CAMKK2: variants seen among roughly 807,000 people sequenced by gnomAD.
CAMKK2 encodes the protein calcium/calmodulin dependent protein kinase kinase 2, also known as calcium/calmodulin-dependent protein kinase kinase 2.
A neutral mutation model predicts 67.2 loss-of-function variants in CAMKK2; 30 were observed. That is an observed-to-expected ratio of 0.45 (90% CI 0.33 to 0.61). The LOEUF (loss-of-function observed/expected upper bound fraction) is 0.61, where lower values mean the gene tolerates loss of function less well. CAMKK2 is among the 20% of genes least tolerant of loss of function. The pLI, the probability that CAMKK2 is intolerant of heterozygous loss-of-function variation, is 0.02. For synonymous variants in CAMKK2, 322 were observed against 326.2 expected, an observed-to-expected ratio of 0.99 and a Z score of 0.14; for missense variants, 643 against 802.0, an observed-to-expected ratio of 0.80 and a Z score of 2.39.
intron 14 of CAMKK2, among the ~76,000 whole-genome samples, chr12:121,246,329 T>C (rs928617339): frequency 9.9e-5 from 15 of 151,798 alleles, no homozygotes; most frequent in African/African-American, 3.6e-4. Flanking sequence ...GTGGATCACC[T>C]GAGGTCAGGA....
At chr12:121,255,708 C>T (rs1892137270) in intron 8 of CAMKK2, 70 bp from the exon 9 acceptor site, 3 of 1,603,274 alleles carry the variant, frequency 1.9e-6, no homozygotes, top group South Asian at 1.1e-5. Context: ...ATGAGCAGAG[C>T]CCAGTGGCAC....
intron 16 of CAMKK2, among the ~76,000 whole-genome samples, chr12:121,243,285 C>T (rs1248676852): frequency 6.6e-6 from 1 of 151,780 alleles, no homozygotes; most frequent in Non-Finnish European, 1.5e-5. Flanking sequence ...CCTGCCTCGG[C>T]CTCCCAAAGT....
intron 13 of CAMKK2, among the ~76,000 whole-genome samples, chr12:121,249,337 T>C (rs547475001): frequency 6.6e-6 from 1 of 152,348 alleles, no homozygotes; most frequent in South Asian, 2.1e-4. Flanking sequence ...TGGAGATGTG[T>C]AGGGGAATAC....
chr12:121,243,791 G>T, intron 16 of CAMKK2: 3 of 973,766 alleles, frequency 3.1e-6, no homozygotes, highest in Non-Finnish European at 3.9e-6. Flanking sequence ...ACTTCCCGTG[G>T]GTGAATTACA....
chr12:121,242,984 C>T (rs12819431), intron 16 of CAMKK2, among the ~76,000 whole-genome samples: 45,031 of 151,750 alleles, frequency 0.3, 7,104 homozygotes, highest in East Asian at 0.35. Context: ...CCTCGTCATT[C>T]GCCTGCCTTG....
intron 11 of CAMKK2, among the ~76,000 whole-genome samples, chr12:121,251,950 A>G (rs1169554332): frequency 6.6e-6 from 1 of 152,180 alleles, no homozygotes; most frequent in African/African-American, 2.4e-5. Context: ...TTTAACTTCC[A>G]TTCCAATGCT....
chr12:121,259,188 G>A (rs1303785782), intron 7 of CAMKK2, among the ~76,000 whole-genome samples: 3 of 152,126 alleles, frequency 2.0e-5, no homozygotes, highest in African/African-American at 4.8e-5. Context: ...CCTGGTCCCT[G>A]CTGTTCTGCC....
At chr12:121,268,602 C>A (rs1311557621) in intron 5 of CAMKK2, 36 bp downstream of exon 5, 8 of 1,605,848 alleles carry the variant, frequency 5.0e-6, no homozygotes, top group South Asian at 3.3e-5. Flanking sequence ...CTTGTCCCAG[C>A]CCCTGTACCT....
intron 7 of CAMKK2, among the ~76,000 whole-genome samples, chr12:121,257,387 C>T (rs893597193): frequency 6.6e-6 from 1 of 152,000 alleles, no homozygotes; most frequent in Non-Finnish European, 1.5e-5. Flanking sequence ...GCTGGGACTA[C>T]AGGCACCTGC....
intron 7 of CAMKK2, among the ~76,000 whole-genome samples, chr12:121,259,137 C>T (rs1275449046): frequency 2.6e-5 from 4 of 152,100 alleles, no homozygotes; most frequent in African/African-American, 7.2e-5. Context: ...CCACTGTGCC[C>T]GATCCAAGTT....
intron 4 of CAMKK2, 131 bp from the exon 5 acceptor site, chr12:121,268,820 A>C (rs1895156704): frequency 1.3e-6 from 1 of 782,980 alleles, no homozygotes; most frequent in African/African-American, 1.7e-5. Context: ...TGGCAGGCTC[A>C]GGTCAACAGA....
At chr12:121,254,025 T>C (rs1180783982) in intron 9 of CAMKK2, among the ~76,000 whole-genome samples, 1 of 151,970 alleles carries the variant, frequency 6.6e-6, no homozygotes, top group Non-Finnish European at 1.5e-5. Flanking sequence ...ATTTCTGGGG[T>C]GATGATGATG....
Position 121,289,893 on chromosome 12 carries a change from T to TAA in CAMKK2, c.-60+6743_-60+6744dup, listed in dbSNP as rs34281997. On this transcript the variant is annotated intron_variant, in intron 1 of 16. Coordinates refer to ENST00000404169, the MANE Select transcript of CAMKK2 (RefSeq NM_001270485.2). ...GAGAGACAGAGCAAGACCCTGTCTT[T>TAA]AAAAAAAAAAAAAAAAAAGGCGGGG... Among the ~76,000 whole-genome samples, 1,122 of 117,638 alleles carry TAA rather than the reference T, an allele frequency of 9.5e-3. 16 individuals are homozygous for TAA. Among genetic ancestry groups the TAA allele is most frequent in the African/African-American group, 0.036 (1,046 of 28,666 alleles). The allele number at this position is 117,638 out of a possible 152,430, so 77.2% of individuals were successfully genotyped here. A position where few individuals can be genotyped will look rare whatever the true frequency, so the allele number is the denominator to read the frequency against.
chr12:121,282,909 C>CA (rs1388401275), intron 1 of CAMKK2, among the ~76,000 whole-genome samples: 2 of 152,138 alleles, frequency 1.3e-5, no homozygotes, highest in African/African-American at 4.8e-5. Flanking sequence ...CACCCACCAC[C>CA]ATGCCCGGCT....
Position 121,255,315 on chromosome 12 carries a change from T to TATATATATAA in CAMKK2, c.907+234_907+235insTTATATATAT, listed in dbSNP as rs1566059576. On this transcript the variant is annotated intron_variant, in intron 9 of 16. Coordinates refer to ENST00000404169, the MANE Select transcript of CAMKK2 (RefSeq NM_001270485.2). ...TTATATATATAATTTTATATATAAT[T>TATATATATAA]TTATATATATATAATTATATATAAT... Among the ~76,000 whole-genome samples the TATATATATAA allele has an allele frequency of 9.6e-3, 53 of 5,526 alleles. 1 individual carries two copies. Among genetic ancestry groups the TATATATATAA allele is most frequent in the Non-Finnish European group, 0.014 (36 of 2,624 alleles). 3.6% of individuals were successfully genotyped at this position (5,526 alleles called of 152,430 possible).
chr12:121,297,600 G>A, upstream of CAMKK2: 1 of 516,694 alleles, frequency 1.9e-6, no homozygotes, highest in Non-Finnish European at 3.9e-6. Context: ...GTGCGGGGAA[G>A]AGGAGAAACG....
At position 121,240,670 on chromosome 12, in the gene CAMKK2, G is replaced by A. The variant is rs1377495943; in HGVS notation, c.*29C>T. On this transcript the variant is annotated 3_prime_UTR_variant, in exon 17 of 17. Transcript: ENST00000404169. The surrounding 1 kb of genome is among the most constrained non-coding windows in gnomAD (Gnocchi z 4.4). The stretch of plus-strand genomic sequence containing the variant: ...AGCAGCCCCCCAGAGGCGACGCGGC[G>A]CGCATGCGAGGTCGAGCGATCCAGG... 2 of 1,565,066 alleles carry A rather than the reference G, an allele frequency of 1.3e-6. No homozygotes were observed. The highest frequency in any genetic ancestry group is 1.4e-5 in the African/African-American group (1 of 73,838).
Position 121,245,243 on chromosome 12 carries a change from G to T in CAMKK2, c.1453-3C>A. ...CGTATCATGGTCTTCACCAGGATCT[G>T]AAGAGGGAGAAAAGAGGAGGTGGCA... On this transcript the variant is annotated splice_region_variant and splice_polypyrimidine_tract_variant and intron_variant, in intron 14 of 16. Coordinates refer to ENST00000404169, the MANE Select transcript of CAMKK2 (RefSeq NM_001270485.2). The surrounding 1 kb of genome is among the most constrained non-coding windows in gnomAD (Gnocchi z 5.8). The T allele has an allele frequency of 6.3e-7, 1 of 1,588,438 alleles. No individual in the cohort carries two copies. Among genetic ancestry groups the T allele is most frequent in the Non-Finnish European group, 8.6e-7 (1 of 1,162,966 alleles).
intron 13 of CAMKK2, among the ~76,000 whole-genome samples, chr12:121,249,520 A>T (rs776508110): frequency 3.9e-5 from 6 of 152,192 alleles, no homozygotes; most frequent in Non-Finnish European, 8.8e-5. Context: ...GCCGGTCTGC[A>T]GAGGGTGGAT....
Sources: gnomAD v4.1 joint callset for allele counts (sites outside exome capture counted in the v4.1 genomes callset) on GRCh38, gnomAD v4.1.1 for gene constraint, Gnocchi (gnomAD v3.1) non-coding constraint, MANE v1.5 for transcripts, NCBI Gene and HGNC (gene_info 2026-07-23, HGNC 2026-07-21) for gene names.